GRID1: variants seen among roughly 807,000 people sequenced by gnomAD.
GRID1 encodes glutamate ionotropic receptor delta type subunit 1, also known as glutamate receptor ionotropic, delta-1.
GRID1 carries 28 observed loss-of-function variants against 98.0 expected under a neutral mutation model. That is an observed-to-expected ratio of 0.29 (90% confidence interval 0.21 to 0.39). The LOEUF (loss-of-function observed/expected upper bound fraction) is 0.39, where lower values mean the gene tolerates loss of function less well. Ranked by LOEUF, GRID1 falls within the 10% of genes least tolerant of loss-of-function variation. The pLI, the probability that GRID1 is intolerant of heterozygous loss-of-function variation, is 1.00. For synonymous variants in GRID1, 553 were observed against 538.5 expected, an observed-to-expected ratio of 1.03 and a Z score of -0.37; for missense variants, 1,111 against 1,340.5, an observed-to-expected ratio of 0.83 and a Z score of 2.67.
At chr10:85,964,010 A>T (rs866931613) in intron 4 of GRID1, among the ~76,000 whole-genome samples, 17 of 152,352 alleles carry the variant, frequency 1.1e-4, no homozygotes, top group Middle Eastern at 3.4e-3. Flanking sequence ...CAGAGAGCCA[A>T]ATCATGAGCG....
chr10:86,208,422 T>A (rs1259918185), intron 2 of GRID1, among the ~76,000 whole-genome samples: 1 of 151,426 alleles, frequency 6.6e-6, no homozygotes, highest in Admixed American at 6.6e-5. Context: ...CCCAAGAGCC[T>A]AGGGATAAAG....
At chr10:85,629,822 C>A (rs1276580464) in intron 13 of GRID1, among the ~76,000 whole-genome samples, 1 of 152,172 alleles carries the variant, frequency 6.6e-6, no homozygotes, top group Non-Finnish European at 1.5e-5. Context: ...TTTACACTCC[C>A]ACCAGCATTG....
At chr10:85,633,413 C>T (rs1485572797) in intron 13 of GRID1, among the ~76,000 whole-genome samples, 3 of 152,132 alleles carry the variant, frequency 2.0e-5, no homozygotes, top group Admixed American at 6.5e-5. Flanking sequence ...TTGCCTTTAA[C>T]GGAGCGTTTG....
intron 5 of GRID1, among the ~76,000 whole-genome samples, chr10:85,910,717 G>C (rs923135552): frequency 2.6e-5 from 4 of 152,220 alleles, no homozygotes; most frequent in African/African-American, 9.7e-5. Flanking sequence ...TCTTCTGTGT[G>C]TCAGACCCTC....
intron 4 of GRID1, among the ~76,000 whole-genome samples, chr10:86,064,871 C>T (rs1843697419): frequency 1.3e-5 from 2 of 152,228 alleles, no homozygotes; most frequent in African/African-American, 4.8e-5. Flanking sequence ...AAACTGAAAA[C>T]TCGCTGGCCA....
intron 4 of GRID1, among the ~76,000 whole-genome samples, chr10:85,971,373 G>C (rs113084526): frequency 0.026 from 3,991 of 152,036 alleles, 165 homozygotes; most frequent in African/African-American, 0.089. Flanking sequence ...CTCACCAAAA[G>C]ACACCAAATT....
At chr10:85,962,410 C>G (rs901964586) in intron 4 of GRID1, among the ~76,000 whole-genome samples, 1 of 152,200 alleles carries the variant, frequency 6.6e-6, no homozygotes, top group African/African-American at 2.4e-5. Flanking sequence ...AGCCCCAGCT[C>G]AGCTGCATAG....
At chr10:85,901,487 A>T (rs553547759) in intron 5 of GRID1, among the ~76,000 whole-genome samples, 2 of 152,092 alleles carry the variant, frequency 1.3e-5, no homozygotes, top group Non-Finnish European at 2.9e-5. Flanking sequence ...TGACCTCGTG[A>T]TCTGCCCGCC....
chr10:85,965,025 CAT>C (rs1181520149), intron 4 of GRID1, among the ~76,000 whole-genome samples: 2 of 152,138 alleles, frequency 1.3e-5, no homozygotes, highest in Admixed American at 6.5e-5. Context: ...AGCCAACAAA[CAT>C]ATGAAAAAAA....
intron 2 of GRID1, among the ~76,000 whole-genome samples, chr10:86,300,082 C>T (rs1409934847): frequency 6.6e-6 from 1 of 152,008 alleles, no homozygotes; most frequent in Non-Finnish European, 1.5e-5. Flanking sequence ...ACCTGGTGTC[C>T]TCATATGACG....
At chr10:85,908,839 G>A (rs1258608951) in intron 5 of GRID1, among the ~76,000 whole-genome samples, 1 of 151,954 alleles carries the variant, frequency 6.6e-6, no homozygotes, top group Non-Finnish European at 1.5e-5. Flanking sequence ...CATAAAGACA[G>A]AAAAAAATAG....
intron 8 of GRID1, among the ~76,000 whole-genome samples, chr10:85,785,422 C>T (rs543941039): frequency 1.1e-4 from 17 of 152,212 alleles, no homozygotes; most frequent in South Asian, 2.1e-4. Flanking sequence ...TCCACGGACG[C>T]GGAAAGAGAC....
chr10:86,151,678 C>A (rs1452365297), intron 3 of GRID1, among the ~76,000 whole-genome samples: 5 of 152,222 alleles, frequency 3.3e-5, no homozygotes, highest in Admixed American at 2.0e-4. Flanking sequence ...GAAAGAGCAG[C>A]CCCAACCGAG....
intron 4 of GRID1, among the ~76,000 whole-genome samples, chr10:85,929,019 CT>C (rs1315089278): frequency 6.6e-6 from 1 of 152,182 alleles, no homozygotes; most frequent in Non-Finnish European, 1.5e-5. Context: ...TCTGCAAAGT[CT>C]GGGAGATAGA....
intron 5 of GRID1, among the ~76,000 whole-genome samples, chr10:85,877,266 A>G (rs1367099020): frequency 6.6e-6 from 1 of 152,236 alleles, no homozygotes; most frequent in Non-Finnish European, 1.5e-5. Flanking sequence ...TGGTTCTCCC[A>G]GCACACAGCT....
chr10:85,856,945 C>A (rs79538588), intron 6 of GRID1, among the ~76,000 whole-genome samples: 18,535 of 152,196 alleles, frequency 0.12, 1,323 homozygotes, highest in Middle Eastern at 0.19. Flanking sequence ...CTAAGGAGGA[C>A]TAGCAACAGA....
chr10:85,848,078 A>G (rs983929846), intron 8 of GRID1, among the ~76,000 whole-genome samples: 1 of 152,194 alleles, frequency 6.6e-6, no homozygotes, highest in African/African-American at 2.4e-5. Flanking sequence ...CAAATTTAGT[A>G]TATCACTTTT....
intron 12 of GRID1, among the ~76,000 whole-genome samples, chr10:85,655,582 T>G (rs1840885508): frequency 1.3e-5 from 2 of 152,150 alleles, no homozygotes; most frequent in South Asian, 4.1e-4. Flanking sequence ...GATTCTAACT[T>G]TAGAATCATG....
intron 3 of GRID1, among the ~76,000 whole-genome samples, chr10:86,188,414 C>A (rs143171862): frequency 6.6e-6 from 1 of 152,330 alleles, no homozygotes; most frequent in East Asian, 1.9e-4. Flanking sequence ...ACCAGGAGAG[C>A]AGCCCTTGCT....
Sources: allele counts gnomAD v4.1 joint callset (sites outside exome capture counted in the v4.1 genomes callset), GRCh38; gene constraint gnomAD v4.1.1; transcripts MANE v1.5; gene names NCBI Gene and HGNC (gene_info 2026-07-23, HGNC 2026-07-21).